The following TNS3 variants were observed in gnomAD, a reference collection of about 807,000 sequenced individuals.
The protein encoded by TNS3 is tensin-3.
TNS3 carries 45 observed loss-of-function variants against 140.9 expected under a neutral mutation model. That is an observed-to-expected ratio of 0.32 (90% CI 0.25 to 0.41). The LOEUF (loss-of-function observed/expected upper bound fraction) is 0.41. TNS3 is among the 10% of genes least tolerant of loss of function. TNS3 has a pLI of 1.00. For missense variants in TNS3, 1,716 were observed against 1,906.7 expected, an observed-to-expected ratio of 0.90 and a Z score of 1.86; for synonymous variants, 815 against 788.4, an observed-to-expected ratio of 1.03 and a Z score of -0.56.
chr7:47,477,591 T>C (rs1326483234), intron 4 of TNS3, among the ~76,000 whole-genome samples: 3 of 152,022 alleles, frequency 2.0e-5, no homozygotes, highest in Non-Finnish European at 4.4e-5. Flanking sequence ...TGAGACAGAA[T>C]AGGTACTCAA....
chr7:47,565,902 G>T (rs1020780232), intron 1 of TNS3, among the ~76,000 whole-genome samples: 1 of 152,156 alleles, frequency 6.6e-6, no homozygotes, highest in Non-Finnish European at 1.5e-5. Flanking sequence ...TCACACGGGC[G>T]CTGGGAGGCT....
intron 20 of TNS3, among the ~76,000 whole-genome samples, chr7:47,322,830 G>A (rs1009986715): frequency 2.6e-5 from 4 of 152,084 alleles, no homozygotes; most frequent in Admixed American, 6.5e-5. Context: ...GCCTGCCTCC[G>A]CTCCCTGATT....
At position 47,369,466 on chromosome 7, in the gene TNS3, C is replaced by T. The variant is rs1289251318; in HGVS notation, c.1180G>A (p.Gly394Ser). The part of the protein sequence containing the change: ...DHTLSVSSDS[G>S]HSTASARTDK... The stretch of plus-strand genomic sequence containing the variant: ...GTCCTGGCAGAGGCTGTAGAGTGGC[C>T]GGAGTCACTGCTGACAGACAAGGTG... Residue 394 changes from glycine (G) to serine (S), a missense_variant, in exon 17 of 31, where the codon GGC becomes AGC. Around this residue, in one of 3 missense-constraint regions of TNS3, gnomAD observed 1,163 missense variants for 1,182.1 expected, o/e 0.98. Transcript: ENST00000311160. 2.5e-6 allele frequency: 4 copies of T among 1,614,146 alleles called. No homozygotes were observed. Among genetic ancestry groups the T allele is most frequent in the African/African-American group, 1.3e-5 (1 of 75,052 alleles).
At chr7:47,305,620 A>G (rs1480071892) in intron 20 of TNS3, among the ~76,000 whole-genome samples, 1 of 152,210 alleles carries the variant, frequency 6.6e-6, no homozygotes, top group African/African-American at 2.4e-5. Flanking sequence ...CAAAGGCCAC[A>G]CCGTGGGGTG....
rs1165808399 is a variant in TNS3 at position 47,411,799 on chromosome 7, G to A, written c.651C>T (p.Asn217=). ...TCCTGCTGGGGTTTTCTGGGCCAAC[G>A]TTGCTTTGGGATGAAGAAGAAGGTA... is the stretch of plus-strand genomic sequence containing the variant. The part of the protein sequence containing the change: ...MQPVYTSGIY[N]VGPENPSRIC... The change falls in exon 13 of 31, where the codon AAC becomes AAT. Residue 217 remains asparagine (N), a synonymous_variant. Transcript: ENST00000311160. The A allele has an allele frequency of 3.1e-6, 5 of 1,613,154 alleles. No homozygotes were observed. The African/African-American group carries it at 4.0e-5, about 13-fold the overall frequency.
chr7:47,352,054 C>T (rs1464532814), intron 17 of TNS3, among the ~76,000 whole-genome samples: 1 of 151,916 alleles, frequency 6.6e-6, no homozygotes, highest in Non-Finnish European at 1.5e-5. Context: ...CTCAGCCACT[C>T]ATGCATTTGC....
intron 3 of TNS3, among the ~76,000 whole-genome samples, chr7:47,502,493 G>A (rs1454375518): frequency 1.3e-5 from 2 of 152,202 alleles, no homozygotes; most frequent in Non-Finnish European, 2.9e-5. Flanking sequence ...CCTGTCTGGT[G>A]GAAGTGAAAA....
intron 16 of TNS3, among the ~76,000 whole-genome samples, chr7:47,375,296 G>C (rs2462629): frequency 1 from 151,995 of 152,270 alleles, 75,860 homozygotes; most frequent in Non-Finnish European, 1. Context: ...CCCAGCCAAC[G>C]AGCATCAAGG....
At chr7:47,462,910 C>G (rs1015792920) in intron 4 of TNS3, among the ~76,000 whole-genome samples, 2 of 152,170 alleles carry the variant, frequency 1.3e-5, no homozygotes, top group Admixed American at 1.3e-4. Context: ...GGGATCTGTT[C>G]TCTCAGATAG....
intron 5 of TNS3, among the ~76,000 whole-genome samples, chr7:47,440,305 A>C (rs908412870): frequency 4.6e-5 from 7 of 152,080 alleles, no homozygotes; most frequent in Non-Finnish European, 4.4e-5. Flanking sequence ...GCGGCCTTTC[A>C]TCTACTGAGT....
At chr7:47,290,260 G>C (rs780247676) in intron 27 of TNS3, among the ~76,000 whole-genome samples, 5 of 152,138 alleles carry the variant, frequency 3.3e-5, no homozygotes, top group East Asian at 1.9e-4. Flanking sequence ...CAGACTTAAA[G>C]GTAAAATTTG....
intron 15 of TNS3, among the ~76,000 whole-genome samples, chr7:47,398,434 T>A (rs1254417776): frequency 6.6e-6 from 1 of 152,150 alleles, no homozygotes; most frequent in Admixed American, 6.5e-5. Context: ...AACAAAATAC[T>A]AGCTAACTGA....
Position 47,506,906 on chromosome 7 carries a change from C to A in TNS3, c.-115+1G>T, listed in dbSNP as rs990873609. 2 of 1,289,456 alleles carry A rather than the reference C, an allele frequency of 1.6e-6. No homozygotes were observed. Among genetic ancestry groups the A allele is most frequent in the Non-Finnish European group, 1.0e-6 (1 of 988,730 alleles). 79.9% of individuals were successfully genotyped at this position (1,289,456 alleles called of 1,614,324 possible). A position where few individuals can be genotyped will look rare whatever the true frequency, so the allele number is the denominator to read the frequency against. On this transcript the variant is annotated splice_donor_variant, in intron 3 of 30. Coordinates refer to ENST00000311160, the MANE Select transcript of TNS3 (RefSeq NM_022748.12). LOFTEE classifies it low-confidence loss of function (5UTR_SPLICE). ...CCATGGGAAAGCAACGGAATGCTTA[C>A]CTTGGCTTCACATTTCTTGTGGCAG...
intron 2 of TNS3, among the ~76,000 whole-genome samples, chr7:47,516,955 C>G (rs1207076471): frequency 2.0e-5 from 3 of 152,112 alleles, no homozygotes; most frequent in Non-Finnish European, 4.4e-5. Flanking sequence ...CCCAGCTACT[C>G]GGGAAGCTGA....
In TNS3 at chr7:47,566,001, A is replaced by C. The variant is rs1800421194; in HGVS notation, c.-265+16050T>G. 3.6e-5 allele frequency among the ~76,000 whole-genome samples: 5 copies of C among 138,078 alleles called. No homozygotes were observed. The Middle Eastern group carries it at 0.01, about 290-fold the overall frequency. 90.6% of individuals were successfully genotyped at this position (138,078 alleles called of 152,430 possible). A position where few individuals can be genotyped will look rare whatever the true frequency, so the allele number is the denominator to read the frequency against. On this transcript the variant is annotated intron_variant, in intron 1 of 30. Coordinates refer to ENST00000311160, the MANE Select transcript of TNS3 (RefSeq NM_022748.12). ...GAACTTTAAAGACATCTCAATTAAC[A>C]GCTTCACTGGGGTTTCAGATTAGTA...
At chr7:47,345,525 T>C (rs1789283663) in intron 18 of TNS3, among the ~76,000 whole-genome samples, 1 of 152,252 alleles carries the variant, frequency 6.6e-6, no homozygotes, top group Non-Finnish European at 1.5e-5. Flanking sequence ...AATAGCTTTT[T>C]TTTCTTGTGA....
chr7:47,578,268 C>T (rs1385943971), intron 1 of TNS3, among the ~76,000 whole-genome samples: 1 of 151,806 alleles, frequency 6.6e-6, no homozygotes, highest in Non-Finnish European at 1.5e-5. Context: ...TGAGATGGCC[C>T]GACTGGACTC....
chr7:47,335,147 C>T (rs1444769042), intron 20 of TNS3, among the ~76,000 whole-genome samples: 1 of 152,180 alleles, frequency 6.6e-6, no homozygotes, highest in Non-Finnish European at 1.5e-5. Flanking sequence ...TGTGGAATTT[C>T]TGAGAAGCCT....
intron 1 of TNS3, among the ~76,000 whole-genome samples, chr7:47,531,013 T>C (rs1399908279): frequency 2.0e-5 from 3 of 151,436 alleles, no homozygotes; most frequent in Non-Finnish European, 2.9e-5. Flanking sequence ...AGGTTTCTCA[T>C]TGTTTTAAAA....
Sources: gnomAD v4.1 joint callset for allele counts (sites outside exome capture counted in the v4.1 genomes callset) on GRCh38, gnomAD v4.1.1 for gene constraint, gnomAD v4.1.1 regional missense constraint, MANE v1.5 for transcripts, NCBI Gene and HGNC (gene_info 2026-07-23, HGNC 2026-07-21) for gene names.